The following TLN2 variants were observed in gnomAD, a reference collection of about 807,000 sequenced individuals.
The protein encoded by TLN2 is talin-2.
A neutral mutation model predicts 294.7 loss-of-function variants in TLN2; 118 were observed. The ratio of observed to expected loss-of-function variants is 0.40; its 90% CI spans 0.34 to 0.47. The LOEUF (loss-of-function observed/expected upper bound fraction) is 0.47. Among genes scored for constraint, TLN2 ranks in the 20% least tolerant of loss-of-function variants. The pLI is 0.84. For synonymous variants in TLN2, 1,431 were observed against 1,304.5 expected (o/e 1.10, Z -2.09); for missense variants, 3,083 against 3,282.2 (o/e 0.94, Z 1.48).
intron 1 of TLN2, among the ~76,000 whole-genome samples, chr15:62,547,632 G>A (rs1016855065): frequency 1.3e-5 from 2 of 152,196 alleles, no homozygotes; most frequent in African/African-American, 4.8e-5. Flanking sequence ...CTTGGGCTGT[G>A]TTTTTTCATG....
At chr15:62,401,508 T>G (rs559678069) in intron 1 of TLN2, among the ~76,000 whole-genome samples, 1 of 152,118 alleles carries the variant, frequency 6.6e-6, no homozygotes, top group South Asian at 2.1e-4. Flanking sequence ...GCAGGATGGG[T>G]TTCTTCTGCA....
At chr15:62,566,771 G>A (rs1021126707) in intron 1 of TLN2, among the ~76,000 whole-genome samples, 5 of 151,828 alleles carry the variant, frequency 3.3e-5, no homozygotes, top group Non-Finnish European at 7.4e-5. Context: ...TGCCCGGGCT[G>A]GTCTCAAACT....
chr15:62,490,017 T>A (rs2038622329), intron 1 of TLN2, among the ~76,000 whole-genome samples: 1 of 152,214 alleles, frequency 6.6e-6, no homozygotes, highest in African/African-American at 2.4e-5. Context: ...TGAGATTGTG[T>A]TTATGTGAAG....
At chr15:62,736,404 A>T (rs2061016525) in intron 28 of TLN2, among the ~76,000 whole-genome samples, 1 of 152,126 alleles carries the variant, frequency 6.6e-6, no homozygotes, top group African/African-American at 2.4e-5. Flanking sequence ...ATTGACTGGC[A>T]CAACTGATGG....
At chr15:62,751,917 A>G (rs1417035623) in intron 34 of TLN2, among the ~76,000 whole-genome samples, 1 of 152,236 alleles carries the variant, frequency 6.6e-6, no homozygotes, top group East Asian at 1.9e-4. Flanking sequence ...TAGACAAATG[A>G]TATCTGGAAG....
At chr15:62,552,030 T>C (rs1337505068) in intron 1 of TLN2, among the ~76,000 whole-genome samples, 4 of 152,210 alleles carry the variant, frequency 2.6e-5, no homozygotes, top group Non-Finnish European at 5.9e-5. Flanking sequence ...ATCTTGACAT[T>C]GTTCGCTTTT....
chr15:62,734,462 C>A (rs1476253356), intron 28 of TLN2, among the ~76,000 whole-genome samples: 1 of 152,166 alleles, frequency 6.6e-6, no homozygotes, highest in Non-Finnish European at 1.5e-5. Context: ...AGCAGCAGAG[C>A]CAGAGCCAGA....
intron 22 of TLN2, among the ~76,000 whole-genome samples, chr15:62,714,443 C>T (rs2059641700): frequency 6.6e-6 from 1 of 151,924 alleles, no homozygotes; most frequent in Admixed American, 6.6e-5. Context: ...ACCTTGTGAT[C>T]CACCCGCCTC....
chr15:62,779,400 C>A (rs367959668), intron 43 of TLN2, among the ~76,000 whole-genome samples: 29 of 152,188 alleles, frequency 1.9e-4, no homozygotes, highest in African/African-American at 7.0e-4. Context: ...AAAACTGTGC[C>A]ATCTACATCA....
At chr15:62,607,180 C>G (rs562225392) in intron 2 of TLN2, among the ~76,000 whole-genome samples, 1 of 152,280 alleles carries the variant, frequency 6.6e-6, no homozygotes, top group African/African-American at 2.4e-5. Context: ...CCTTGGCTTC[C>G]TATTAGACTT....
chr15:62,556,430 C>T (rs944261945), intron 1 of TLN2, among the ~76,000 whole-genome samples: 1 of 151,950 alleles, frequency 6.6e-6, no homozygotes, highest in Non-Finnish European at 1.5e-5. Flanking sequence ...CCTCAGCTTC[C>T]TGGGTAGCTG....
chr15:62,780,944 C>G (rs1183865907), intron 43 of TLN2, among the ~76,000 whole-genome samples, 196 bp from the exon 44 acceptor site: 2 of 152,194 alleles, frequency 1.3e-5, no homozygotes, highest in Non-Finnish European at 2.9e-5. Flanking sequence ...GGGAGCCTCT[C>G]CTTGCCATGT....
chr15:62,834,438 GA>G (rs2069241801), intron 55 of TLN2: 1 of 152,000 alleles, frequency 6.6e-6, no homozygotes, highest in African/African-American at 2.4e-5. Context: ...TCAGTGTACA[GA>G]TAGGTAGAGG....
intron 1 of TLN2, among the ~76,000 whole-genome samples, chr15:62,448,278 C>G (rs757158002): frequency 6.6e-6 from 1 of 152,214 alleles, no homozygotes; most frequent in Non-Finnish European, 1.5e-5. Context: ...GGGCCTAATT[C>G]CGTATAGCTG....
chr15:62,509,725 C>T (rs1165176235), intron 1 of TLN2, among the ~76,000 whole-genome samples: 1 of 152,132 alleles, frequency 6.6e-6, no homozygotes, highest in Non-Finnish European at 1.5e-5. Context: ...CATGGCCATC[C>T]GTGCGCCTCC....
chr15:62,434,490 C>T lies in TLN2; in HGVS notation c.-238+43805C>T, dbSNP rs1165038693. Among the ~76,000 whole-genome samples, 6 of 152,146 alleles carry T rather than the reference C, an allele frequency of 3.9e-5. No individual in the cohort carries two copies. In the East Asian group the frequency reaches 1.2e-3, roughly 29 times the overall value. ...GTGTGCACTCTTGTGCATGCGCGCG[C>T]TCTTTCCCTTGCTTGCAAGTGTGAG... On this transcript the variant is annotated intron_variant, in intron 1 of 58. Transcript: ENST00000636159.
In TLN2 at chr15:62,803,117, T is replaced by C. The variant is rs150296795; in HGVS notation, c.6477+2348T>C. Among the ~76,000 whole-genome samples, 103 of 152,340 alleles carry C rather than the reference T, an allele frequency of 6.8e-4. 1 individual carries two copies. The East Asian group carries it at 0.015, about 22-fold the overall frequency. On this transcript the variant is annotated intron_variant, in intron 50 of 58. Transcript: ENST00000636159. ...TACTATTCTGGAGTAAATGTTTTTT[T>C]CCTTCAGGACTTTAAATATGTCATG...
chr15:62,448,646 CAGAG>C (rs2035948318), intron 1 of TLN2, among the ~76,000 whole-genome samples: 1 of 152,126 alleles, frequency 6.6e-6, no homozygotes. Flanking sequence ...TTTTTAATCA[CAGAG>C]AGAAATGCTG....
intron 54 of TLN2, chr15:62,832,645 C>T (rs540736005): frequency 1.3e-5 from 2 of 152,322 alleles, no homozygotes; most frequent in East Asian, 1.9e-4. Context: ...AGGTGGATCC[C>T]GTGCCTCGGG....
Sources: allele counts gnomAD v4.1 joint callset (sites outside exome capture counted in the v4.1 genomes callset), GRCh38; gene constraint gnomAD v4.1.1; transcripts MANE v1.5; gene names NCBI Gene and HGNC (gene_info 2026-07-23, HGNC 2026-07-21).